CHRM3: variants seen among roughly 807,000 people sequenced by gnomAD.
CHRM3 encodes the protein cholinergic receptor muscarinic 3, also known as muscarinic acetylcholine receptor M3.
In CHRM3, 11 loss-of-function variants were observed where a neutral mutation model predicts 41.8. That is an observed-to-expected ratio of 0.26 (90% CI 0.17 to 0.44). CHRM3 has a LOEUF of 0.44. Among genes scored for constraint, CHRM3 ranks in the 20% least tolerant of loss-of-function variants. The pLI is 1.00. For missense variants in CHRM3, 571 were observed against 745.4 expected, an observed-to-expected ratio of 0.77 and a Z score of 2.72; for synonymous variants, 297 against 301.4, an observed-to-expected ratio of 0.99 and a Z score of 0.15.
intron 3 of CHRM3, among the ~76,000 whole-genome samples, chr1:239,605,502 A>T (rs1217669221): frequency 6.6e-6 from 1 of 152,200 alleles, no homozygotes; most frequent in Non-Finnish European, 1.5e-5. Context: ...CTTAGACTAG[A>T]TCCTCATCAT....
At chr1:239,482,028 G>A (rs961647682) in intron 1 of CHRM3, among the ~76,000 whole-genome samples, 8 of 152,038 alleles carry the variant, frequency 5.3e-5, no homozygotes. Flanking sequence ...AGCATGTTTC[G>A]AAGACAATTC....
chr1:239,499,446 A>G (rs1435107830), intron 2 of CHRM3, among the ~76,000 whole-genome samples: 1 of 152,212 alleles, frequency 6.6e-6, no homozygotes, highest in Non-Finnish European at 1.5e-5. Context: ...GACTGTTGAG[A>G]TAAGCAAGAT....
chr1:239,842,266 G>A (rs2149170309), intron 6 of CHRM3, among the ~76,000 whole-genome samples: 1 of 148,898 alleles, frequency 6.7e-6, no homozygotes, highest in South Asian at 2.1e-4. Context: ...GTGTCACCCA[G>A]CCTGGAGTGC....
chr1:239,745,662 T>C (rs551564028), intron 5 of CHRM3, among the ~76,000 whole-genome samples: 1 of 152,156 alleles, frequency 6.6e-6, no homozygotes, highest in Admixed American at 6.5e-5. Context: ...CACCACCCTT[T>C]AGAAGTAGAT....
Position 239,424,012 on chromosome 1 carries a change from G to A in CHRM3, c.-521+36785G>A, listed in dbSNP as rs531800308. Among the ~76,000 whole-genome samples, 19 of 141,474 alleles carry A rather than the reference G, an allele frequency of 1.3e-4. No homozygotes were observed. In the South Asian group the frequency reaches 1.5e-3, roughly 12 times the overall value. 92.8% of individuals were successfully genotyped at this position (141,474 alleles called of 152,430 possible). ...GGAGCTTGCAGTGAGCCGAGATTGC[G>A]CCACTGCACTCCAGCCTGGGCAACA... On this transcript the variant is annotated intron_variant, in intron 1 of 6. Transcript: ENST00000676153.
At chr1:239,438,641 T>G (rs1257442684) in intron 1 of CHRM3, among the ~76,000 whole-genome samples, 1 of 152,190 alleles carries the variant, frequency 6.6e-6, no homozygotes. Context: ...TTTTTGAGAT[T>G]TGGGAGGCTT....
intron 1 of CHRM3, among the ~76,000 whole-genome samples, chr1:239,406,001 C>A (rs1396671316): frequency 2.0e-5 from 3 of 152,140 alleles, no homozygotes. Flanking sequence ...AAGTGATTCT[C>A]CTGCCTCAGC....
intron 6 of CHRM3, among the ~76,000 whole-genome samples, chr1:239,894,658 C>A (rs1055146198): frequency 1.3e-5 from 2 of 152,006 alleles, no homozygotes; most frequent in Non-Finnish European, 2.9e-5. Context: ...GTCTCGAACT[C>A]ATGCGCTCAA....
At chr1:239,420,994 A>G (rs1283834270) in intron 1 of CHRM3, among the ~76,000 whole-genome samples, 1 of 152,194 alleles carries the variant, frequency 6.6e-6, no homozygotes, top group Non-Finnish European at 1.5e-5. Flanking sequence ...AAAAGGCAAA[A>G]AGAGGCTATA....
intron 5 of CHRM3, among the ~76,000 whole-genome samples, chr1:239,751,666 T>A (rs1665841729): frequency 6.6e-6 from 1 of 152,094 alleles, no homozygotes; most frequent in South Asian, 2.1e-4. Flanking sequence ...AAATGATCAG[T>A]TTAGAACAAA....
intron 6 of CHRM3, among the ~76,000 whole-genome samples, chr1:239,848,692 G>A (rs1215053645): frequency 6.6e-6 from 1 of 152,084 alleles, no homozygotes; most frequent in Non-Finnish European, 1.5e-5. Flanking sequence ...TATGAAAAGA[G>A]ACTGTTCATT....
At chr1:239,725,876 T>C (rs1663390098) in intron 5 of CHRM3, among the ~76,000 whole-genome samples, 4 of 151,980 alleles carry the variant, frequency 2.6e-5, no homozygotes, top group Admixed American at 2.0e-4. Flanking sequence ...ATTATGCAGA[T>C]GTACAGACTT....
intron 3 of CHRM3, among the ~76,000 whole-genome samples, chr1:239,562,706 A>G (rs930303289): frequency 1.1e-4 from 17 of 152,016 alleles, no homozygotes; most frequent in African/African-American, 4.1e-4. Context: ...TTGTCAACAT[A>G]GTGAAACCCC....
intron 6 of CHRM3, among the ~76,000 whole-genome samples, chr1:239,854,982 CTTCA>C: frequency 6.6e-6 from 1 of 152,248 alleles, no homozygotes; most frequent in East Asian, 1.9e-4. Flanking sequence ...TCAGATGTCA[CTTCA>C]TTCATAAAGT....
chr1:239,761,174 C>A (rs1195870655), intron 5 of CHRM3, among the ~76,000 whole-genome samples: 1 of 152,034 alleles, frequency 6.6e-6, no homozygotes, highest in Admixed American at 6.6e-5. Context: ...TGCTATTAAT[C>A]CAAGATAGTG....
chr1:239,447,910 G>T (rs1252112470), intron 1 of CHRM3, among the ~76,000 whole-genome samples: 2 of 152,112 alleles, frequency 1.3e-5, no homozygotes, highest in African/African-American at 4.8e-5. Flanking sequence ...TTTTTTGTCT[G>T]GGTTTGATAT....
chr1:239,837,363 A>G (rs1487822833), intron 6 of CHRM3, among the ~76,000 whole-genome samples: 1 of 152,158 alleles, frequency 6.6e-6, no homozygotes, highest in Admixed American at 6.5e-5. Flanking sequence ...CATCGAATCC[A>G]ACTTCTTGTC....
chr1:239,618,842 A>AG (rs1405158278), intron 3 of CHRM3, among the ~76,000 whole-genome samples: 17 of 116,468 alleles, frequency 1.5e-4, no homozygotes, highest in Admixed American at 4.8e-4. Context: ...AGACTCTGTC[A>AG]GAAAAAAAAA....
intron 3 of CHRM3, among the ~76,000 whole-genome samples, chr1:239,557,848 T>G (rs1217947000): frequency 6.6e-6 from 1 of 152,200 alleles, no homozygotes; most frequent in Non-Finnish European, 1.5e-5. Flanking sequence ...TATTCCATGG[T>G]GCATATGTAC....
Sources: gnomAD v4.1 joint callset for allele counts (sites outside exome capture counted in the v4.1 genomes callset) on GRCh38, gnomAD v4.1.1 for gene constraint, MANE v1.5 for transcripts, NCBI Gene and HGNC (gene_info 2026-07-23, HGNC 2026-07-21) for gene names.